ABRAXAS2: variants seen among roughly 807,000 people sequenced by gnomAD.
ABRAXAS2 encodes the protein abraxas 2, BRISC complex subunit.
ABRAXAS2 carries 23 observed loss-of-function variants against 49.0 expected under a neutral mutation model. The observed-to-expected ratio is 0.47, with a 90% confidence interval of 0.34 to 0.66. ABRAXAS2 has a LOEUF of 0.66. ABRAXAS2 is among the 30% of genes least tolerant of loss of function. The pLI is 0.01. For synonymous variants in ABRAXAS2, 168 were observed against 180.2 expected (o/e 0.93, Z 0.54); for missense variants, 443 against 511.9 (o/e 0.87, Z 1.30).
At chr10:124,826,812 A>G (rs1270845582) in intron 5 of ABRAXAS2, 27 bp downstream of exon 5, 3 of 1,608,774 alleles carry the variant, frequency 1.9e-6, no homozygotes, top group Non-Finnish European at 2.6e-6. Context: ...CATCTGCCTC[A>G]CATATAAGAA....
At chr10:124,807,029 T>C (rs1296664184) in intron 2 of ABRAXAS2, 108 bp downstream of exon 2, 1 of 889,026 alleles carries the variant, frequency 1.1e-6, no homozygotes, top group Non-Finnish European at 1.8e-6. Flanking sequence ...ATTCAAAGAG[T>C]ATGCCAGGCG....
At chr10:124,806,384 A>G (rs1589801827) in intron 1 of ABRAXAS2, among the ~76,000 whole-genome samples, 1 of 152,088 alleles carries the variant, frequency 6.6e-6, no homozygotes. Context: ...CTAAAATCCT[A>G]ATTTTCTATG....
intron 6 of ABRAXAS2, 39 bp downstream of exon 6, chr10:124,828,914 A>C: frequency 6.3e-7 from 1 of 1,599,416 alleles, no homozygotes; most frequent in Non-Finnish European, 8.5e-7. Flanking sequence ...TTCTTTTGTC[A>C]GCAATATTTC....
intron 7 of ABRAXAS2, among the ~76,000 whole-genome samples, chr10:124,831,091 G>A (rs1485363892): frequency 6.6e-6 from 1 of 152,182 alleles, no homozygotes; most frequent in Non-Finnish European, 1.5e-5. Flanking sequence ...TCAAAGGAAA[G>A]AGTAGATCTT....
At chr10:124,829,646 C>G (rs766353425) in intron 7 of ABRAXAS2, among the ~76,000 whole-genome samples, 169 bp downstream of exon 7, 1 of 152,172 alleles carries the variant, frequency 6.6e-6, no homozygotes, top group East Asian at 1.9e-4. Flanking sequence ...CATGCCGTCT[C>G]GCAGAAGCCT....
intron 3 of ABRAXAS2, among the ~76,000 whole-genome samples, chr10:124,816,983 G>A (rs1950828564): frequency 6.6e-6 from 1 of 152,190 alleles, no homozygotes; most frequent in Admixed American, 6.5e-5. Flanking sequence ...TGTGTTTGTT[G>A]AAGTGAATAC....
intron 8 of ABRAXAS2, among the ~76,000 whole-genome samples, chr10:124,832,283 C>T (rs1264152962): frequency 6.6e-6 from 1 of 152,064 alleles, no homozygotes; most frequent in South Asian, 2.1e-4. Context: ...CACCATTAGG[C>T]TAAGGAACAA....
intron 2 of ABRAXAS2, among the ~76,000 whole-genome samples, chr10:124,814,346 A>AC (rs1950809528): frequency 6.8e-6 from 1 of 147,762 alleles, no homozygotes; most frequent in Admixed American, 6.8e-5. Flanking sequence ...TTTTATTTGT[A>AC]CTTTTTTTTG....
intron 3 of ABRAXAS2, among the ~76,000 whole-genome samples, chr10:124,818,296 T>C (rs1054160058): frequency 2.7e-5 from 4 of 150,442 alleles, no homozygotes; most frequent in Non-Finnish European, 5.9e-5. Flanking sequence ...CTTGGGAGGC[T>C]GAGGCAGGAG....
rs1035469124 is a variant in ABRAXAS2 at position 124,819,323 on chromosome 10, C to G, written c.201-61C>G. 6.4e-6 allele frequency: 9 copies of G among 1,410,322 alleles called. No individual in the cohort carries two copies. In the African/African-American group the frequency reaches 1.1e-4, roughly 18 times the overall value. 87.4% of individuals were successfully genotyped at this position (1,410,322 alleles called of 1,614,324 possible). A position where few individuals can be genotyped will look rare whatever the true frequency, so the allele number is the denominator to read the frequency against. The stretch of plus-strand genomic sequence containing the variant: ...TAGGGTTACCACAGGCATATGCAGC[C>G]AAGCACGTCTATGTCACAATACTAT... On this transcript the variant is annotated intron_variant, in intron 3 of 8. Coordinates refer to ENST00000298492, the MANE Select transcript of ABRAXAS2 (RefSeq NM_032182.4).
chr10:124,802,809 G>T (rs796590499), intron 1 of ABRAXAS2, among the ~76,000 whole-genome samples: 1 of 152,126 alleles, frequency 6.6e-6, no homozygotes, highest in South Asian at 2.1e-4. Context: ...TCATTACAAA[G>T]CAAAATGGTA....
chr10:124,827,969 T>G (rs1950907276), intron 5 of ABRAXAS2, among the ~76,000 whole-genome samples: 1 of 152,232 alleles, frequency 6.6e-6, no homozygotes, highest in South Asian at 2.1e-4. Context: ...TCAGTCACTG[T>G]GAGTATACAA....
chr10:124,813,092 T>G (rs1950800452), intron 2 of ABRAXAS2, among the ~76,000 whole-genome samples: 1 of 152,046 alleles, frequency 6.6e-6, no homozygotes, highest in Non-Finnish European at 1.5e-5. Context: ...TCCCAGCTAC[T>G]TGGGAGGCTG....
chr10:124,807,651 T>C (rs1316475727), intron 2 of ABRAXAS2, among the ~76,000 whole-genome samples: 2 of 152,182 alleles, frequency 1.3e-5, no homozygotes, highest in Non-Finnish European at 2.9e-5. Context: ...TTTGCACTAA[T>C]AAATGATATG....
At chr10:124,808,851 C>T (rs145282055) in intron 2 of ABRAXAS2, among the ~76,000 whole-genome samples, 3,033 of 152,210 alleles carry the variant, frequency 0.02, 57 homozygotes, top group South Asian at 0.078. Flanking sequence ...TGTTGGCTAG[C>T]GGGGTGCAGT....
intron 4 of ABRAXAS2, 65 bp downstream of exon 4, chr10:124,819,515 A>G: frequency 7.2e-7 from 1 of 1,394,460 alleles, no homozygotes; most frequent in Middle Eastern, 1.8e-4. Context: ...AGATAAAACC[A>G]GACAGGAATG....
Position 124,804,029 on chromosome 10 carries a change from G to C in ABRAXAS2, c.72+2128G>C, listed in dbSNP as rs944986784. 2.6e-5 allele frequency among the ~76,000 whole-genome samples: 4 copies of C among 152,196 alleles called. No homozygotes were observed. The South Asian group carries it at 8.3e-4, about 32-fold the overall frequency. Reference sequence around the variant, plus strand: ...TTGGCTCAGATAATCCAGACCAGTAGATGTATAAACATTCCACTTGTACTT... The same window carrying C: ...TTGGCTCAGATAATCCAGACCAGTACATGTATAAACATTCCACTTGTACTT... On this transcript the variant is annotated intron_variant, in intron 1 of 8. Transcript: ENST00000298492.
chr10:124,802,400 G>A (rs1950712128), intron 1 of ABRAXAS2, among the ~76,000 whole-genome samples: 1 of 152,254 alleles, frequency 6.6e-6, no homozygotes, highest in Non-Finnish European at 1.5e-5. Flanking sequence ...AGACACGGTT[G>A]TGTGTTTTCT....
intron 4 of ABRAXAS2, among the ~76,000 whole-genome samples, chr10:124,822,721 G>C (rs1238227117): frequency 6.6e-6 from 1 of 151,702 alleles, no homozygotes; most frequent in Admixed American, 6.6e-5. Context: ...GAACCCGGGA[G>C]GTGGAGGTTG....
Sources: allele counts gnomAD v4.1 joint callset (sites outside exome capture counted in the v4.1 genomes callset), GRCh38; gene constraint gnomAD v4.1.1; transcripts MANE v1.5; gene names NCBI Gene and HGNC (gene_info 2026-07-23, HGNC 2026-07-21).